PCDH7: variants seen among roughly 807,000 people sequenced by gnomAD.
The protein encoded by PCDH7 is protocadherin-7.
In PCDH7, 17 loss-of-function variants were observed where a neutral mutation model predicts 58.9. That is an observed-to-expected ratio of 0.29 (90% CI 0.20 to 0.43). The LOEUF (loss-of-function observed/expected upper bound fraction) is 0.43. Among genes scored for constraint, PCDH7 ranks in the 20% least tolerant of loss-of-function variants. The pLI is 1.00. For missense variants in PCDH7, 1,274 were observed against 1,441.0 expected, an observed-to-expected ratio of 0.88 and a Z score of 1.88; for synonymous variants, 664 against 616.4, an observed-to-expected ratio of 1.08 and a Z score of -1.14.
intron 3 of PCDH7, among the ~76,000 whole-genome samples, chr4:31,103,714 T>A (rs547745539): frequency 6.6e-6 from 1 of 152,286 alleles, no homozygotes; most frequent in East Asian, 1.9e-4. Flanking sequence ...TACTAGAGTA[T>A]CCTTTTATCT....
intron 3 of PCDH7, among the ~76,000 whole-genome samples, chr4:31,066,533 C>T (rs1007234336): frequency 2.0e-5 from 3 of 151,910 alleles, no homozygotes; most frequent in Non-Finnish European, 4.4e-5. Context: ...GCCAACCTCA[C>T]TGACCAAAGC....
At chr4:31,143,986 T>C (rs965551555), downstream of PCDH7, 1 of 152,222 alleles carries the variant, frequency 6.6e-6, no homozygotes, top group African/African-American at 2.4e-5. Context: ...ATAGTATTTA[T>C]GGATCATGGG....
intron 3 of PCDH7, among the ~76,000 whole-genome samples, chr4:31,041,609 C>T (rs1220843867): frequency 4.6e-5 from 7 of 151,864 alleles, no homozygotes; most frequent in South Asian, 4.2e-4. Flanking sequence ...AGTCCTACAA[C>T]GAAAAGAATT....
At chr4:31,038,932 T>C (rs1220045237) in intron 3 of PCDH7, among the ~76,000 whole-genome samples, 1 of 152,186 alleles carries the variant, frequency 6.6e-6, no homozygotes, top group African/African-American at 2.4e-5. Context: ...AGACTCCTTG[T>C]GTGTATCATA....
intron 3 of PCDH7, among the ~76,000 whole-genome samples, chr4:30,975,725 T>A (rs1225027577): frequency 6.6e-6 from 1 of 152,192 alleles, no homozygotes; most frequent in East Asian, 1.9e-4. Flanking sequence ...TAAAAATAAA[T>A]GCCCTTGGTC....
intron 1 of PCDH7, among the ~76,000 whole-genome samples, chr4:30,781,365 C>A (rs1209941671): frequency 6.6e-6 from 1 of 151,914 alleles, no homozygotes; most frequent in Admixed American, 6.6e-5. Flanking sequence ...TGTTCTCGAT[C>A]TCCTGACCTC....
exon 2 of PCDH7, chr4:30,732,741 T>A (rs1488225408): frequency 1.3e-5 from 2 of 152,018 alleles, no homozygotes; most frequent in East Asian, 3.9e-4. Context: ...ACCAGCACTC[T>A]AGACTGGGGT....
At chr4:31,124,068 G>A (rs537635470) in intron 3 of PCDH7, among the ~76,000 whole-genome samples, 7 of 152,140 alleles carry the variant, frequency 4.6e-5, no homozygotes, top group Admixed American at 1.3e-4. Context: ...GCGGTGTGAC[G>A]GGCCAGGGTG....
chr4:31,073,429 A>G (rs891121753), intron 3 of PCDH7, among the ~76,000 whole-genome samples: 1 of 152,204 alleles, frequency 6.6e-6, no homozygotes, highest in Non-Finnish European at 1.5e-5. Flanking sequence ...TCCATCTGCT[A>G]TACTATTAGC....
At chr4:31,138,147 T>TTCTA (rs113799938) in intron 3 of PCDH7, among the ~76,000 whole-genome samples, 81,463 of 151,592 alleles carry the variant, frequency 0.54, 23,560 homozygotes, top group African/African-American at 0.77. Flanking sequence ...TTTCTAAAGA[T>TTCTA]TCTATTATCT....
chr4:30,739,343 A>G (rs1056001221), intron 1 of PCDH7, among the ~76,000 whole-genome samples: 5 of 151,600 alleles, frequency 3.3e-5, no homozygotes, highest in Non-Finnish European at 7.4e-5. Flanking sequence ...CTAAGCTTCT[A>G]GAGCTAATTT....
At chr4:30,973,481 A>G (rs1450252119) in intron 3 of PCDH7, among the ~76,000 whole-genome samples, 1 of 152,250 alleles carries the variant, frequency 6.6e-6, no homozygotes. Context: ...TTAGAATTTT[A>G]GGCAGATTGT....
chr4:31,145,999 A>G (rs1720649587), downstream of PCDH7: 1 of 152,102 alleles, frequency 6.6e-6, no homozygotes, highest in African/African-American at 2.4e-5. Flanking sequence ...ATGAGTAACT[A>G]TATAAATTTA....
intron 3 of PCDH7, among the ~76,000 whole-genome samples, chr4:31,054,784 T>G (rs543896103): frequency 6.6e-6 from 1 of 152,186 alleles, no homozygotes; most frequent in Non-Finnish European, 1.5e-5. Context: ...ACCTCAGTTC[T>G]TTTTTGTTGG....
chr4:31,108,934 G>C (rs1026090128), intron 3 of PCDH7, among the ~76,000 whole-genome samples: 5 of 152,094 alleles, frequency 3.3e-5, no homozygotes, highest in Admixed American at 6.5e-5. Flanking sequence ...AGCTGTTCTT[G>C]GTGGGACACA....
chr4:30,758,573 C>T (rs1421733110), intron 1 of PCDH7, among the ~76,000 whole-genome samples: 1 of 152,048 alleles, frequency 6.6e-6, no homozygotes, highest in Non-Finnish European at 1.5e-5. Flanking sequence ...TGAGGACAGC[C>T]AACATTCACA....
intron 1 of PCDH7, among the ~76,000 whole-genome samples, chr4:30,876,071 CAGT>C (rs1736246189): frequency 6.6e-6 from 1 of 152,068 alleles, no homozygotes; most frequent in African/African-American, 2.4e-5. Flanking sequence ...TCTGTAATAT[CAGT>C]AAAGCATTAG....
intron 3 of PCDH7, among the ~76,000 whole-genome samples, chr4:31,029,158 C>G (rs184474208): frequency 3.3e-5 from 5 of 152,304 alleles, no homozygotes; most frequent in Admixed American, 1.3e-4. Flanking sequence ...TACTGCTAAT[C>G]ATTTGTGCTC....
intron 1 of PCDH7, among the ~76,000 whole-genome samples, chr4:30,860,545 G>A (rs1037790586): frequency 6.6e-6 from 1 of 151,116 alleles, no homozygotes; most frequent in Non-Finnish European, 1.5e-5. Flanking sequence ...TACATATTTC[G>A]GCAGCCTATA....
Sources: gnomAD v4.1 joint callset for allele counts (sites outside exome capture counted in the v4.1 genomes callset) on GRCh38, gnomAD v4.1.1 for gene constraint, MANE v1.5 for transcripts, NCBI Gene and HGNC (gene_info 2026-07-23, HGNC 2026-07-21) for gene names.